The following ARHGAP20 variants were observed in gnomAD, a reference collection of about 807,000 sequenced individuals.
ARHGAP20 encodes the protein Rho GTPase activating protein 20.
In ARHGAP20, 34 loss-of-function variants were observed where a neutral mutation model predicts 73.7. That is an observed-to-expected ratio of 0.46 (90% CI 0.35 to 0.61). ARHGAP20 has a LOEUF of 0.61. ARHGAP20 is among the 20% of genes least tolerant of loss of function. The pLI, the probability that ARHGAP20 is intolerant of heterozygous loss-of-function variation, is 0.00. For synonymous variants in ARHGAP20, 523 were observed against 518.2 expected (o/e 1.01, Z -0.13); for missense variants, 1,314 against 1,420.9 (o/e 0.92, Z 1.21).
chr11:110,637,126 C>T (rs1193211494), intron 2 of ARHGAP20, among the ~76,000 whole-genome samples: 2 of 152,012 alleles, frequency 1.3e-5, no homozygotes, highest in South Asian at 2.1e-4. Flanking sequence ...TTCACAAAAC[C>T]TGGCCACAGT....
chr11:110,597,428 A>T (rs928644890), intron 9 of ARHGAP20, among the ~76,000 whole-genome samples: 1 of 152,012 alleles, frequency 6.6e-6, no homozygotes, highest in Non-Finnish European at 1.5e-5. Context: ...ATATATGTGA[A>T]TATGTATGTT....
At chr11:110,672,960 AT>A (rs1370615228) in intron 2 of ARHGAP20, among the ~76,000 whole-genome samples, 1 of 152,204 alleles carries the variant, frequency 6.6e-6, no homozygotes, top group Non-Finnish European at 1.5e-5. Context: ...GCAGCCCCAA[AT>A]ATCTCAAATA....
At chr11:110,641,625 C>G in intron 2 of ARHGAP20, among the ~76,000 whole-genome samples, 1 of 151,854 alleles carries the variant, frequency 6.6e-6, no homozygotes, top group East Asian at 1.9e-4. Flanking sequence ...CCCCCCAACC[C>G]TCAGAGGCTG....
At chr11:110,691,096 A>G in intron 1 of ARHGAP20, 1 of 1,025,108 alleles carries the variant, frequency 9.8e-7, no homozygotes, top group Non-Finnish European at 1.3e-6. Flanking sequence ...AAGCACAGAG[A>G]CTAGATTTTT....
rs566830054 is a variant in ARHGAP20, at chr11:110,578,439, C to T, written c.*931G>A. The T allele has an allele frequency of 2.0e-6, 2 of 985,282 alleles. No individual in the cohort carries two copies. The highest frequency in any genetic ancestry group is 2.3e-4 in the East Asian group (2 of 8,832). The allele number at this position is 985,282 out of a possible 1,614,324, so 61.0% of individuals were successfully genotyped here. Reference sequence around the variant, plus strand: ...GCAGGACTGTGCAGAAACATTTCAGCAAAGTGATGCCATGGTTTGATCACA... The same window carrying T: ...GCAGGACTGTGCAGAAACATTTCAGTAAAGTGATGCCATGGTTTGATCACA... On this transcript the variant is annotated 3_prime_UTR_variant, in exon 15 of 15. Transcript: ENST00000683387.
chr11:110,587,596 G>A (rs942360011), intron 11 of ARHGAP20, among the ~76,000 whole-genome samples: 2 of 152,110 alleles, frequency 1.3e-5, no homozygotes, highest in Non-Finnish European at 2.9e-5. Flanking sequence ...CTTTGTACAT[G>A]TCAATGCCAA....
chr11:110,693,557 T>C (rs1950281513), intron 1 of ARHGAP20, among the ~76,000 whole-genome samples: 1 of 151,976 alleles, frequency 6.6e-6, no homozygotes, highest in African/African-American at 2.4e-5. Flanking sequence ...GCAGCCAATA[T>C]AACCAGGGGC....
intron 10 of ARHGAP20, 135 bp from the exon 11 acceptor site, chr11:110,590,944 G>T: frequency 1.1e-6 from 1 of 929,290 alleles, no homozygotes; most frequent in East Asian, 2.8e-5. Context: ...TAAATAAATG[G>T]CCGGAAAAAT....
chr11:110,597,491 T>C, intron 9 of ARHGAP20, among the ~76,000 whole-genome samples: 1 of 152,200 alleles, frequency 6.6e-6, no homozygotes, highest in South Asian at 2.1e-4. Context: ...TTTTATTTAT[T>C]ATTATTATTT....
chr11:110,624,299 G>T lies in ARHGAP20; in HGVS notation c.366C>A (p.Asn122Lys). ...ATTTAATTTTATTTTTTATCTTAAA[G>T]TTATTGTTATATCTAGAAAGATAAA... ...FVVAKIKYNN[N>K]FKIKNKIKLT... Residue 122 changes from asparagine to lysine, a missense_variant, in exon 4 of 15, where the codon AAC becomes AAA. By Grantham distance (94) the Asn-to-Lys change is moderately conservative (BLOSUM62 0). Around this residue, in one of 3 missense-constraint regions of ARHGAP20, gnomAD observed 443 missense variants for 466.4 expected, o/e 0.95. Coordinates refer to ENST00000683387, the MANE Select transcript of ARHGAP20 (RefSeq NM_001384657.1). 5.7e-6 allele frequency: 9 copies of T among 1,565,440 alleles called. No homozygotes were observed. The highest frequency in any genetic ancestry group is 2.8e-5 in the African/African-American group (2 of 71,700).
At position 110,608,989 on chromosome 11, in the gene ARHGAP20, A is replaced by C. The variant is rs1948301653; in HGVS notation, c.770T>G (p.Leu257Arg). 6.2e-7 allele frequency: 1 copy of C among 1,613,072 alleles called. No homozygotes were observed. ...AGACTTTTGCAAAAACTTACCAATG[A>C]GTGGGTATGGAGCCTCTTCTTTGCC... The part of the protein sequence containing the change: ...NSGKEEAPYP[L>R]IGHEYPYGIK... The change falls in exon 8 of 15, where the codon CTC becomes CGC. Residue 257 changes from leucine to arginine, a missense_variant. Transcript: ENST00000683387.
intron 2 of ARHGAP20, among the ~76,000 whole-genome samples, chr11:110,644,129 A>G (rs543814183): frequency 6.6e-6 from 1 of 152,030 alleles, no homozygotes; most frequent in East Asian, 1.9e-4. Context: ...TACAAGGAGA[A>G]CTACACTTTT....
intron 2 of ARHGAP20, among the ~76,000 whole-genome samples, chr11:110,647,346 AC>A (rs964191954): frequency 2.0e-5 from 3 of 152,130 alleles, no homozygotes; most frequent in Non-Finnish European, 4.4e-5. Context: ...GGGGACACCA[AC>A]CTTTTGAATT....
chr11:110,704,025 T>C (rs1950509804), intron 1 of ARHGAP20, among the ~76,000 whole-genome samples: 1 of 152,188 alleles, frequency 6.6e-6, no homozygotes, highest in Non-Finnish European at 1.5e-5. Flanking sequence ...AAGCTTTGCC[T>C]TACGGTAGCC....
intron 2 of ARHGAP20, among the ~76,000 whole-genome samples, chr11:110,675,686 G>C (rs1477294650): frequency 1.3e-5 from 2 of 152,122 alleles, no homozygotes; most frequent in African/African-American, 4.8e-5. Context: ...CTCCTGCTGT[G>C]CTGCCAGGTT....
At chr11:110,630,534 A>G in intron 3 of ARHGAP20, 94 bp downstream of exon 3, 3 of 1,288,934 alleles carry the variant, frequency 2.3e-6, no homozygotes, top group Non-Finnish European at 3.2e-6. Flanking sequence ...AACAAAGGCA[A>G]GACATTCTTA....
intron 4 of ARHGAP20, among the ~76,000 whole-genome samples, chr11:110,617,745 C>T (rs939100392): frequency 6.6e-6 from 1 of 152,140 alleles, no homozygotes; most frequent in South Asian, 2.1e-4. Flanking sequence ...AATTCTTAAT[C>T]TCAGGCATTT....
intron 4 of ARHGAP20, 72 bp from the exon 5 acceptor site, chr11:110,615,666 C>A (rs1948468215): frequency 7.3e-7 from 1 of 1,367,546 alleles, no homozygotes. Flanking sequence ...TTAGGATTGT[C>A]AATCCAGATG....
At chr11:110,640,346 C>T (rs762183142) in intron 2 of ARHGAP20, among the ~76,000 whole-genome samples, 5 of 151,970 alleles carry the variant, frequency 3.3e-5, no homozygotes, top group Non-Finnish European at 1.5e-5. Flanking sequence ...CAAGTTCTAG[C>T]ATCTGTTTTA....
Sources: gnomAD v4.1 joint callset for allele counts (sites outside exome capture counted in the v4.1 genomes callset) on GRCh38, gnomAD v4.1.1 for gene constraint, gnomAD v4.1.1 regional missense constraint, MANE v1.5 for transcripts, NCBI Gene and HGNC (gene_info 2026-07-23, HGNC 2026-07-21) for gene names.